MAPKAPK3: variants seen among roughly 807,000 people sequenced by gnomAD.
MAPKAPK3 encodes the protein MAP kinase-activated protein kinase 3.
A neutral mutation model predicts 49.2 loss-of-function variants in MAPKAPK3; 35 were observed. That is an observed-to-expected ratio of 0.71 (90% CI 0.54 to 0.94). MAPKAPK3 has a LOEUF of 0.94. MAPKAPK3 is among the 40% of genes least tolerant of loss of function. The probability of loss-of-function intolerance (pLI) is 0.00; values close to 1 mark genes in which losing one functional copy is unlikely to be tolerated. For missense variants in MAPKAPK3, 398 were observed against 493.1 expected (o/e 0.81, Z 1.83); for synonymous variants, 178 against 188.7 (o/e 0.94, Z 0.46).
chr3:50,647,807 T>G, intron 10 of MAPKAPK3, 87 bp from the exon 11 acceptor site: 1 of 1,347,014 alleles, frequency 7.4e-7, no homozygotes, highest in Non-Finnish European at 1.0e-6. Flanking sequence ...GTCACTGACA[T>G]TAAGGGGCTG....
At chr3:50,633,293 G>A (rs1274365243) in intron 2 of MAPKAPK3, among the ~76,000 whole-genome samples, 4 of 151,986 alleles carry the variant, frequency 2.6e-5, no homozygotes, top group Non-Finnish European at 5.9e-5. Flanking sequence ...TTCTCTGCGA[G>A]TTCAAAGTCA....
At position 50,617,622 on chromosome 3, in the gene MAPKAPK3, C is replaced by T; in HGVS notation, c.57C>T (p.Pro19=). The T allele has an allele frequency of 6.2e-7, 1 of 1,606,008 alleles. No homozygotes were observed. Among genetic ancestry groups the T allele is most frequent in the South Asian group, 1.1e-5 (1 of 90,904 alleles). ...QGGPVPPPVA[P]GGPGLGGAPG... is the part of the protein sequence containing the mutation. Reference sequence around the variant, plus strand: ...GCCCTGTGCCCCCGCCAGTTGCACCCGGCGGACCCGGCTTGGGCGGTGCTC... The same window carrying T: ...GCCCTGTGCCCCCGCCAGTTGCACCTGGCGGACCCGGCTTGGGCGGTGCTC... The change falls in exon 2 of 11, where the codon CCC becomes CCT. Residue 19 remains proline, a synonymous_variant. Transcript: ENST00000621469.
intron 2 of MAPKAPK3, among the ~76,000 whole-genome samples, chr3:50,637,110 G>T (rs1397198333): frequency 6.6e-6 from 1 of 152,182 alleles, no homozygotes; most frequent in Non-Finnish European, 1.5e-5. Flanking sequence ...CAAAGCACAG[G>T]ATGCAGGCCC....
chr3:50,631,711 C>T (rs1215247580), intron 2 of MAPKAPK3, among the ~76,000 whole-genome samples: 2 of 152,140 alleles, frequency 1.3e-5, no homozygotes, highest in African/African-American at 2.4e-5. Context: ...ATGGCTGAGT[C>T]GAAGACTTGT....
In MAPKAPK3 at chr3:50,617,756, G is replaced by C; in HGVS notation, c.191G>C (p.Arg64Pro). The stretch of plus-strand genomic sequence containing the variant: ...GGCAAAGTGCTGGAGTGCTTCCATC[G>C]GCGCACTGGACAGAAGTGTGCCCTG... ...VNGKVLECFH[R>P]RTGQKCALKL... is the part of the protein sequence containing the mutation. Residue 64 changes from arginine to proline, a missense_variant, in exon 2 of 11, where the codon CGG becomes CCG. Transcript: ENST00000621469. 1 of 1,613,612 alleles carries C rather than the reference G, an allele frequency of 6.2e-7. No homozygotes were observed. The highest frequency in any genetic ancestry group is 8.5e-7 in the Non-Finnish European group (1 of 1,180,010).
intron 3 of MAPKAPK3, among the ~76,000 whole-genome samples, 183 bp from the exon 4 acceptor site, chr3:50,641,524 C>T (rs933670213): frequency 2.6e-5 from 4 of 152,188 alleles, no homozygotes; most frequent in Non-Finnish European, 4.4e-5. Context: ...CAGTTCAACC[C>T]ACCTAAGCTG....
chr3:50,618,673 A>G (rs1208640256), intron 2 of MAPKAPK3, among the ~76,000 whole-genome samples: 1 of 151,932 alleles, frequency 6.6e-6, no homozygotes, highest in Admixed American at 6.5e-5. Flanking sequence ...AGTACAGCAA[A>G]GGCCCTTCTC....
At chr3:50,639,989 G>T (rs192548220) in intron 2 of MAPKAPK3, among the ~76,000 whole-genome samples, 10 of 152,204 alleles carry the variant, frequency 6.6e-5, no homozygotes, top group Non-Finnish European at 1.0e-4. Flanking sequence ...GTAAAAATGA[G>T]GCTCAAGGGA....
chr3:50,618,769 A>G (rs2032535745), intron 2 of MAPKAPK3, among the ~76,000 whole-genome samples: 1 of 152,068 alleles, frequency 6.6e-6, no homozygotes, highest in Non-Finnish European at 1.5e-5. Flanking sequence ...AGCTCACTGC[A>G]ACCTCCACCT....
intron 2 of MAPKAPK3, among the ~76,000 whole-genome samples, chr3:50,636,617 T>C (rs2033046522): frequency 6.6e-6 from 1 of 152,186 alleles, no homozygotes; most frequent in Non-Finnish European, 1.5e-5. Context: ...CATTTTACTA[T>C]ATGTCAATTA....
upstream of MAPKAPK3, chr3:50,611,735 T>C: frequency 7.1e-7 from 1 of 1,404,480 alleles, no homozygotes; most frequent in Non-Finnish European, 9.2e-7. Context: ...GAGCGCGTGC[T>C]GGGTAGGCTC....
chr3:50,644,013 G>T (rs938858917), intron 5 of MAPKAPK3, among the ~76,000 whole-genome samples: 1 of 152,132 alleles, frequency 6.6e-6, no homozygotes, highest in Non-Finnish European at 1.5e-5. Flanking sequence ...TGTCCTTCTA[G>T]CCCTGTAGGA....
At position 50,618,941 on chromosome 3, in the gene MAPKAPK3, G is replaced by T. The variant is rs181737693; in HGVS notation, c.219+1157G>T. ...CTTGACCTCGTGATCTGCCTGCCTT[G>T]GCCTCCCAAAGTGCTGGGATTACAG... is the stretch of plus-strand genomic sequence containing the variant. On this transcript the variant is annotated intron_variant, in intron 2 of 10. Coordinates refer to ENST00000621469, the MANE Select transcript of MAPKAPK3 (RefSeq NM_001243925.2). 3.9e-5 allele frequency among the ~76,000 whole-genome samples: 6 copies of T among 152,276 alleles called. No individual in the cohort carries two copies. In the East Asian group the frequency reaches 9.6e-4, roughly 24 times the overall value.
chr3:50,639,056 T>C (rs1365573690), intron 2 of MAPKAPK3, among the ~76,000 whole-genome samples: 2 of 152,222 alleles, frequency 1.3e-5, no homozygotes, highest in African/African-American at 4.8e-5. Flanking sequence ...GCAGGGCCAC[T>C]GTGAGGCCTT....
At chr3:50,617,360 G>C in intron 1 of MAPKAPK3, 119 bp downstream of exon 1, 1 of 487,058 alleles carries the variant, frequency 2.1e-6, no homozygotes. Context: ...CCCGCCGCGC[G>C]ACCACCGCCC....
Position 50,646,824 on chromosome 3 carries a change from A to G in MAPKAPK3, c.914A>G (p.Asn305Ser), listed in dbSNP as rs1304557436. Residue 305 changes from asparagine to serine, a missense_variant and splice_region_variant, in exon 9 of 11, where the codon AAC becomes AGC. Physicochemically the swap from Asn to Ser is conservative, Grantham distance 46 (BLOSUM62 1). Transcript: ENST00000621469. ...CAGTTCATGAACCACCCCTGGATCA[A>G]CGTGAGCCCCTCCTCCTCCCATGGC... ...ITQFMNHPWI[N>S]QSMVVPQTPL... 17 of 1,613,814 alleles carry G rather than the reference A, an allele frequency of 1.1e-5. No individual in the cohort carries two copies. Among genetic ancestry groups the G allele is most frequent in the Non-Finnish European group, 1.3e-5 (15 of 1,179,946 alleles).
chr3:50,642,430 G>C, intron 5 of MAPKAPK3, 98 bp downstream of exon 5: 1 of 859,300 alleles, frequency 1.2e-6, no homozygotes, highest in Non-Finnish European at 1.9e-6. Context: ...TGGAGGCCAT[G>C]TTCCCTAGTC....
intron 2 of MAPKAPK3, among the ~76,000 whole-genome samples, chr3:50,618,472 G>A (rs2032527992): frequency 6.6e-6 from 1 of 152,190 alleles, no homozygotes; most frequent in South Asian, 2.1e-4. Context: ...GATATAGGTG[G>A]CATGGTGGGG....
intron 2 of MAPKAPK3, among the ~76,000 whole-genome samples, chr3:50,635,920 CAAAAAAAAAAAA>C (rs748358137): frequency 0.49 from 36,187 of 73,942 alleles, 6,922 homozygotes; most frequent in Middle Eastern, 0.61. Context: ...CCGTCTCTAC[CAAAAAAAAAAAA>C]AAAAAAAAAA....
Sources: gnomAD v4.1 joint callset for allele counts (sites outside exome capture counted in the v4.1 genomes callset) on GRCh38, gnomAD v4.1.1 for gene constraint, MANE v1.5 for transcripts, NCBI Gene and HGNC (gene_info 2026-07-23, HGNC 2026-07-21) for gene names.